Variants in PPP4R2 observed in about 807,000 individuals in gnomAD.
PPP4R2 encodes serine/threonine-protein phosphatase 4 regulatory subunit 2.
Under a neutral mutation model 47.2 loss-of-function variants are expected in PPP4R2, and 13 were observed. That is an observed-to-expected ratio of 0.28 (90% CI 0.18 to 0.44). PPP4R2 has a LOEUF of 0.44. Among genes scored for constraint, PPP4R2 ranks in the 20% least tolerant of loss-of-function variants. PPP4R2 has a pLI of 1.00. For missense variants in PPP4R2, 421 were observed against 491.2 expected (o/e 0.86, Z 1.35); for synonymous variants, 151 against 163.3 (o/e 0.92, Z 0.57).
chr3:73,006,288 C>G (rs1365858650), intron 2 of PPP4R2, among the ~76,000 whole-genome samples: 1 of 149,948 alleles, frequency 6.7e-6, no homozygotes, highest in Non-Finnish European at 1.5e-5. Context: ...CAACCTCTGC[C>G]TCCAGGTTCA....
chr3:73,004,233 G>T (rs1029002267), intron 2 of PPP4R2, among the ~76,000 whole-genome samples: 13 of 150,906 alleles, frequency 8.6e-5, no homozygotes, highest in Non-Finnish European at 1.6e-4. Flanking sequence ...TGAGCATGGG[G>T]TCTCGCTATA....
rs752703606 is a variant in PPP4R2 at position 73,062,505 on chromosome 3, AG to A, written c.420-1167del. The stretch of plus-strand genomic sequence containing the variant: ...TGATGGGTTACACCAGGCATTACTG[AG>A]TGTTGGTGTGAGCAAGAGGTCTAAT... On this transcript the variant is annotated intron_variant, in intron 5 of 8. Coordinates refer to ENST00000356692, the MANE Select transcript of PPP4R2 (RefSeq NM_174907.4). The A allele has an allele frequency of 2.5e-6, 4 of 1,613,694 alleles. No homozygotes were observed. In the East Asian group the frequency reaches 6.7e-5, roughly 27 times the overall value.
At position 73,066,575 on chromosome 3, in the gene PPP4R2, T is replaced by C. The variant is rs886132136; in HGVS notation, c.*853T>C. 1 of 152,076 alleles carries C rather than the reference T, an allele frequency of 6.6e-6. No homozygotes were observed. Among genetic ancestry groups the C allele is most frequent in the African/African-American group, 2.4e-5 (1 of 41,440 alleles). The allele number at this position is 152,076 out of a possible 1,614,324, so 9.4% of individuals were successfully genotyped here. A position where few individuals can be genotyped will look rare whatever the true frequency, so the allele number is the denominator to read the frequency against. On this transcript the variant is annotated 3_prime_UTR_variant, in exon 9 of 9. Transcript: ENST00000356692. ...TGGAAATTGTGTTCAAATGTTAGCTTACTATTTTGTAGAATGAATGTTTAT... is the reference window on the plus strand; with the variant it reads ...TGGAAATTGTGTTCAAATGTTAGCTCACTATTTTGTAGAATGAATGTTTAT...
At chr3:73,062,536 T>C in intron 5 of PPP4R2, 1 of 1,613,900 alleles carries the variant, frequency 6.2e-7, no homozygotes, top group Non-Finnish European at 8.5e-7. Flanking sequence ...TCTAATACTG[T>C]GGTTGGGAAT....
intron 2 of PPP4R2, among the ~76,000 whole-genome samples, chr3:73,033,284 C>G (rs1191230256): frequency 6.6e-6 from 1 of 152,070 alleles, no homozygotes; most frequent in Middle Eastern, 3.2e-3. Context: ...TCATTGCTTT[C>G]TTTGACACCT....
intron 2 of PPP4R2, among the ~76,000 whole-genome samples, chr3:73,021,056 A>G (rs1234150468): frequency 6.6e-6 from 1 of 152,042 alleles, no homozygotes; most frequent in East Asian, 1.9e-4. Flanking sequence ...GCATTAGTCT[A>G]TGTTGCTTAA....
intron 2 of PPP4R2, among the ~76,000 whole-genome samples, chr3:73,030,666 A>G (rs191416553): frequency 3.3e-5 from 5 of 150,112 alleles, no homozygotes; most frequent in Non-Finnish European, 5.9e-5. Flanking sequence ...AGAACCAACT[A>G]TATCTGAGGG....
At chr3:73,038,559 C>T (rs1020910453) in intron 2 of PPP4R2, among the ~76,000 whole-genome samples, 4 of 151,952 alleles carry the variant, frequency 2.6e-5, no homozygotes, top group African/African-American at 7.3e-5. Flanking sequence ...CCAAGCCTGG[C>T]TAATTTTTGT....
rs1029515701 is a variant in PPP4R2 at position 72,996,866 on chromosome 3, G to A, written c.-172G>A. 41 of 418,784 alleles carry A rather than the reference G, an allele frequency of 9.8e-5. No individual in the cohort carries two copies. The highest frequency in any genetic ancestry group is 1.4e-4 in the Non-Finnish European group (34 of 235,332). 25.9% of individuals were successfully genotyped at this position (418,784 alleles called of 1,614,324 possible). ...GCTTGGGGAGGTGCTCGCTCTGTCGGTCTTGCTCTCTCGCACGCTTCCCCC... is the reference window on the plus strand; with the variant it reads ...GCTTGGGGAGGTGCTCGCTCTGTCGATCTTGCTCTCTCGCACGCTTCCCCC... On this transcript the variant is annotated 5_prime_UTR_variant, in exon 1 of 9. Coordinates refer to ENST00000356692, the MANE Select transcript of PPP4R2 (RefSeq NM_174907.4).
At chr3:73,022,477 G>A (rs537379330) in intron 2 of PPP4R2, among the ~76,000 whole-genome samples, 2 of 152,300 alleles carry the variant, frequency 1.3e-5, no homozygotes, top group South Asian at 4.1e-4. Flanking sequence ...CTCATAATGT[G>A]TGAAGTGCTT....
intron 2 of PPP4R2, among the ~76,000 whole-genome samples, chr3:73,026,397 G>A (rs914967337): frequency 6.6e-6 from 1 of 151,980 alleles, no homozygotes; most frequent in Non-Finnish European, 1.5e-5. Flanking sequence ...TACATGCAAG[G>A]GGTCATCTCT....
At chr3:73,029,370 G>C (rs140014836) in intron 2 of PPP4R2, among the ~76,000 whole-genome samples, 2 of 152,334 alleles carry the variant, frequency 1.3e-5, no homozygotes, top group Non-Finnish European at 2.9e-5. Context: ...TTGAAATCAG[G>C]CTAAGAGATG....
At chr3:73,026,983 C>A (rs72889044) in intron 2 of PPP4R2, among the ~76,000 whole-genome samples, 19,766 of 152,052 alleles carry the variant, frequency 0.13, 1,569 homozygotes, top group East Asian at 0.36. Flanking sequence ...TAATAAAATG[C>A]GGAGAGTAGT....
At chr3:73,012,580 C>T (rs1022472535) in intron 2 of PPP4R2, among the ~76,000 whole-genome samples, 2 of 152,182 alleles carry the variant, frequency 1.3e-5, no homozygotes, top group South Asian at 2.1e-4. Flanking sequence ...GGGCTACAGG[C>T]GTGAGCCACT....
Position 72,997,027 on chromosome 3 carries a change from T to C in PPP4R2, c.-11T>C, listed in dbSNP as rs377006513. On this transcript the variant is annotated 5_prime_UTR_variant, in exon 1 of 9. Coordinates refer to ENST00000356692, the MANE Select transcript of PPP4R2 (RefSeq NM_174907.4). ...GAGGGAGGCGGAGGCTGTGAGGGAC[T>C]CCGGGAAGCCATGGACGTCGAGAGG... is the stretch of plus-strand genomic sequence containing the variant. 1 of 1,394,850 alleles carries C rather than the reference T, an allele frequency of 7.2e-7. No homozygotes were observed. The highest frequency in any genetic ancestry group is 9.5e-7 in the Non-Finnish European group (1 of 1,057,936). 86.4% of individuals were successfully genotyped at this position (1,394,850 alleles called of 1,614,324 possible).
chr3:72,998,796 C>G (rs1356515739), intron 2 of PPP4R2, among the ~76,000 whole-genome samples: 1 of 152,130 alleles, frequency 6.6e-6, no homozygotes, highest in East Asian at 1.9e-4. Context: ...AAGGAACATT[C>G]CAGGTCATTG....
intron 5 of PPP4R2, 74 bp downstream of exon 5, chr3:73,061,134 C>A (rs113215422): frequency 3.1e-6 from 2 of 646,192 alleles, no homozygotes; most frequent in Non-Finnish European, 2.4e-6. Context: ...ATATATTATT[C>A]TTAAAATAGA....
intron 2 of PPP4R2, among the ~76,000 whole-genome samples, chr3:73,037,183 A>G (rs940614556): frequency 1.3e-5 from 2 of 152,198 alleles, no homozygotes; most frequent in African/African-American, 4.8e-5. Flanking sequence ...TCTAGATTAG[A>G]TCTTCATAGC....
chr3:73,064,380 A>G (rs1702940642), intron 7 of PPP4R2, among the ~76,000 whole-genome samples: 2 of 152,202 alleles, frequency 1.3e-5, no homozygotes, highest in Non-Finnish European at 2.9e-5. Context: ...AAAGTAACGT[A>G]GATATGATGA....
Sources: gnomAD v4.1 joint callset for allele counts (sites outside exome capture counted in the v4.1 genomes callset) on GRCh38, gnomAD v4.1.1 for gene constraint, MANE v1.5 for transcripts, NCBI Gene and HGNC (gene_info 2026-07-23, HGNC 2026-07-21) for gene names.